The following RNF169 variants were observed in gnomAD, a reference collection of about 807,000 sequenced individuals.
RNF169 encodes the protein E3 ubiquitin-protein ligase RNF169.
In RNF169, 24 loss-of-function variants were observed where a neutral mutation model predicts 53.9. The observed-to-expected ratio is 0.45, with a 90% CI of 0.32 to 0.63. The LOEUF is 0.63. Among genes scored for constraint, RNF169 ranks in the 20% least tolerant of loss-of-function variants. The pLI is 0.04. For synonymous variants in RNF169, 396 were observed against 363.5 expected (o/e 1.09, Z -1.02); for missense variants, 883 against 906.2 (o/e 0.97, Z 0.33).
At chr11:74,767,655 C>T (rs1225572229) in intron 1 of RNF169, among the ~76,000 whole-genome samples, 3 of 151,980 alleles carry the variant, frequency 2.0e-5, no homozygotes, top group East Asian at 1.9e-4. Flanking sequence ...CTGCAACCTC[C>T]GCCTCCTGGG....
chr11:74,831,469 A>G (rs2036176624), intron 4 of RNF169: 1 of 152,232 alleles, frequency 6.6e-6, no homozygotes, highest in Non-Finnish European at 1.5e-5. Context: ...GAAAACTACA[A>G]AACGTTGCTG....
chr11:74,780,833 A>G (rs2035406724), intron 1 of RNF169, among the ~76,000 whole-genome samples: 1 of 152,214 alleles, frequency 6.6e-6, no homozygotes, highest in Admixed American at 6.5e-5. Flanking sequence ...TGGCAAAATG[A>G]GAGTGCAGCT....
At chr11:74,796,749 G>C (rs994309174) in intron 2 of RNF169, among the ~76,000 whole-genome samples, 1 of 152,228 alleles carries the variant, frequency 6.6e-6, no homozygotes. Flanking sequence ...ATTGGGAAAG[G>C]TGAACTGCTT....
At chr11:74,774,703 C>G (rs1367239117) in intron 1 of RNF169, among the ~76,000 whole-genome samples, 1 of 152,088 alleles carries the variant, frequency 6.6e-6, no homozygotes, top group African/African-American at 2.4e-5. Flanking sequence ...GCCTGTAATC[C>G]TAGCACTTTG....
chr11:74,822,800 T>G lies in RNF169; in HGVS notation c.842+5086T>G, dbSNP rs1261656085. ...TGGGTTTCTAATAAATGTTGATGTT[T>G]TCTTTCTTTTCCTTAAGGGATAGAA... On this transcript the variant is annotated intron_variant, in intron 4 of 5. Transcript: ENST00000299563. 2.7e-5 allele frequency among the ~76,000 whole-genome samples: 4 copies of G among 145,720 alleles called. No individual in the cohort carries two copies. In the East Asian group the frequency reaches 7.7e-4, roughly 28 times the overall value.
At chr11:74,820,833 G>A (rs1411270936) in intron 4 of RNF169, among the ~76,000 whole-genome samples, 3 of 152,180 alleles carry the variant, frequency 2.0e-5, no homozygotes, top group Admixed American at 6.5e-5. Flanking sequence ...AGAAAGGCCT[G>A]GAAGTTTGGT....
intron 3 of RNF169, among the ~76,000 whole-genome samples, chr11:74,811,515 G>A (rs2035875896): frequency 2.0e-5 from 3 of 152,114 alleles, no homozygotes; most frequent in South Asian, 2.1e-4. Context: ...GATTACAGGC[G>A]TGAGCCCCTG....
At chr11:74,812,831 C>G (rs2035891970) in intron 3 of RNF169, among the ~76,000 whole-genome samples, 1 of 152,132 alleles carries the variant, frequency 6.6e-6, no homozygotes, top group Admixed American at 6.5e-5. Context: ...CTCCTCTTTT[C>G]TTGTGAAATT....
chr11:74,817,772 A>C, intron 4 of RNF169, 58 bp downstream of exon 4: 1 of 1,062,044 alleles, frequency 9.4e-7, no homozygotes, highest in Non-Finnish European at 1.5e-6. Context: ...ATGAGATAAA[A>C]GGGACTGGGG....
At chr11:74,759,354 G>A (rs2035040267) in intron 1 of RNF169, among the ~76,000 whole-genome samples, 1 of 136,112 alleles carries the variant, frequency 7.3e-6, no homozygotes, top group African/African-American at 2.8e-5. Context: ...ATGTTGAATA[G>A]GAGTGGTGAG....
chr11:74,801,067 G>A (rs1044054039), intron 2 of RNF169, among the ~76,000 whole-genome samples: 7 of 152,248 alleles, frequency 4.6e-5, no homozygotes, highest in South Asian at 2.1e-4. Flanking sequence ...ATTTAGATAC[G>A]CTTAATTCTA....
At chr11:74,799,085 G>GTT (rs1396163125) in intron 2 of RNF169, among the ~76,000 whole-genome samples, 2 of 15,438 alleles carry the variant, frequency 1.3e-4, no homozygotes, top group Non-Finnish European at 2.1e-4. Context: ...GATTTCCAGT[G>GTT]GTTTTTTTTT....
rs527481893 is a variant in RNF169 at position 74,765,606 on chromosome 11, G to A, written c.502+16224G>A. 6.1e-3 allele frequency among the ~76,000 whole-genome samples: 926 copies of A among 152,238 alleles called. 8 individuals are homozygous for A. The highest frequency in any genetic ancestry group is 9.5e-3 in the Admixed American group (146 of 15,292). Reference sequence around the variant, plus strand: ...ACCTGAGGTCAGGAGTTTGAGACCAGCCTGGCCAACATGGTGAAACCCCAT... The same window carrying A: ...ACCTGAGGTCAGGAGTTTGAGACCAACCTGGCCAACATGGTGAAACCCCAT... On this transcript the variant is annotated intron_variant, in intron 1 of 5. Transcript: ENST00000299563.
At chr11:74,821,657 CAAAAAAAAAAAAA>C (rs1230736435) in intron 4 of RNF169, among the ~76,000 whole-genome samples, 1 of 26,074 alleles carries the variant, frequency 3.8e-5, no homozygotes, top group Non-Finnish European at 5.3e-5. Context: ...GACTCCGTCT[CAAAAAAAAAAAAA>C]AAAAAAAAAA....
At chr11:74,821,657 C>CAAAAA (rs1230736435) in intron 4 of RNF169, among the ~76,000 whole-genome samples, 5 of 26,066 alleles carry the variant, frequency 1.9e-4, no homozygotes, top group Non-Finnish European at 2.1e-4. Context: ...GACTCCGTCT[C>CAAAAA]AAAAAAAAAA....
At chr11:74,752,332 C>T (rs1402963729) in intron 1 of RNF169, among the ~76,000 whole-genome samples, 1 of 151,074 alleles carries the variant, frequency 6.6e-6, no homozygotes, top group Non-Finnish European at 1.5e-5. Context: ...CATGGTGGCT[C>T]ATGCCTGTAA....
rs1487197747 is a variant in RNF169, at chr11:74,758,647, G to A, written c.502+9265G>A. 4.0e-5 allele frequency among the ~76,000 whole-genome samples: 6 copies of A among 151,274 alleles called. No homozygotes were observed. In the South Asian group the frequency reaches 8.3e-4, roughly 21 times the overall value. On this transcript the variant is annotated intron_variant, in intron 1 of 5. Transcript: ENST00000299563. ...CTCCCAAGTAGCTGGGACTACAGGCGCCCGCCACTACGCCCGGCTAATTTT... is the reference window on the plus strand; with the variant it reads ...CTCCCAAGTAGCTGGGACTACAGGCACCCGCCACTACGCCCGGCTAATTTT...
intron 4 of RNF169, among the ~76,000 whole-genome samples, chr11:74,830,098 G>A (rs984665074): frequency 6.6e-5 from 10 of 152,114 alleles, no homozygotes; most frequent in African/African-American, 1.9e-4. Context: ...ATTTATAGCT[G>A]TAAAAGCCTA....
chr11:74,755,866 A>T (rs2034973881), intron 1 of RNF169, among the ~76,000 whole-genome samples: 1 of 152,244 alleles, frequency 6.6e-6, no homozygotes, highest in Non-Finnish European at 1.5e-5. Flanking sequence ...AAGTTAGATC[A>T]TGAAGGCCAT....
Sources: allele counts gnomAD v4.1 joint callset (sites outside exome capture counted in the v4.1 genomes callset), GRCh38; gene constraint gnomAD v4.1.1; transcripts MANE v1.5; gene names NCBI Gene and HGNC (gene_info 2026-07-23, HGNC 2026-07-21).